The following KLF7 variants were observed in gnomAD, a reference collection of about 807,000 sequenced individuals.
KLF7 encodes Krueppel-like factor 7.
In KLF7, 2 loss-of-function variants were observed where a neutral mutation model predicts 27.3. The ratio of observed to expected loss-of-function variants is 0.07; its 90% CI spans 0.03 to 0.23. The LOEUF is 0.23. Ranked by LOEUF, KLF7 falls within the 10% of genes least tolerant of loss-of-function variation. The pLI, the probability that KLF7 is intolerant of heterozygous loss-of-function variation, is 1.00. For synonymous variants in KLF7, 165 were observed against 162.4 expected (o/e 1.02, Z -0.12); for missense variants, 221 against 394.1 (o/e 0.56, Z 3.72).
chr2:207,153,911 T>C (rs371258236), intron 1 of KLF7, among the ~76,000 whole-genome samples: 1 of 152,208 alleles, frequency 6.6e-6, no homozygotes, highest in Admixed American at 6.5e-5. Flanking sequence ...AGGGCTGGCA[T>C]CTCTGAAATA....
At chr2:207,110,451 A>T (rs902585160) in intron 2 of KLF7, among the ~76,000 whole-genome samples, 1 of 152,196 alleles carries the variant, frequency 6.6e-6, no homozygotes, top group Admixed American at 6.5e-5. Context: ...ACCCAGGGGG[A>T]GAATGACAAT....
intron 1 of KLF7, among the ~76,000 whole-genome samples, chr2:207,164,548 T>A (rs550809564): frequency 1.3e-5 from 2 of 151,704 alleles, no homozygotes; most frequent in South Asian, 4.2e-4. Context: ...GCCAGCACTT[T>A]CCACTGACCA....
intron 1 of KLF7, among the ~76,000 whole-genome samples, chr2:207,157,219 T>TTAAAA (rs1491268311): frequency 6.9e-5 from 6 of 87,312 alleles, no homozygotes; most frequent in African/African-American, 2.6e-4. Flanking sequence ...AACAGAAAAG[T>TTAAAA]AAAAAAAAAA....
intron 1 of KLF7, among the ~76,000 whole-genome samples, chr2:207,136,122 C>A (rs1208804693): frequency 2.6e-5 from 4 of 152,144 alleles, no homozygotes; most frequent in African/African-American, 9.7e-5. Flanking sequence ...TTTCCCACAC[C>A]ACCCCTTCCC....
chr2:207,162,423 A>G (rs13398922), intron 1 of KLF7, among the ~76,000 whole-genome samples: 9 of 152,246 alleles, frequency 5.9e-5, no homozygotes, highest in African/African-American at 2.2e-4. Flanking sequence ...ATTTACAGTT[A>G]TATGACAGGC....
chr2:207,081,405 TA>T, intron 3 of KLF7, 141 bp from the exon 4 acceptor site: 1 of 785,918 alleles, frequency 1.3e-6, no homozygotes, highest in South Asian at 1.6e-5. Context: ...GTTGGGAAGG[TA>T]AGTTTAAGGG....
chr2:207,142,421 T>C (rs1302312302), intron 1 of KLF7, among the ~76,000 whole-genome samples: 1 of 152,210 alleles, frequency 6.6e-6, no homozygotes, highest in East Asian at 1.9e-4. Context: ...TATAGGACAT[T>C]GTGCTGGAGA....
At chr2:207,155,100 G>A (rs1050970692) in intron 1 of KLF7, among the ~76,000 whole-genome samples, 3 of 152,154 alleles carry the variant, frequency 2.0e-5, no homozygotes, top group African/African-American at 4.8e-5. Flanking sequence ...ATACTTCCAA[G>A]TTGTATGATT....
At chr2:207,095,213 A>G (rs574581898) in intron 2 of KLF7, among the ~76,000 whole-genome samples, 50 of 151,706 alleles carry the variant, frequency 3.3e-4, no homozygotes, top group Non-Finnish European at 6.5e-4. Flanking sequence ...ACGTCCAGCT[A>G]ATTTTTTTGT....
intron 3 of KLF7, among the ~76,000 whole-genome samples, chr2:207,086,197 G>A (rs139211017): frequency 1.3e-5 from 2 of 152,270 alleles, no homozygotes; most frequent in Non-Finnish European, 2.9e-5. Context: ...AGGATGCCAT[G>A]TCCTGCCAAG....
intron 2 of KLF7, among the ~76,000 whole-genome samples, chr2:207,122,663 A>G (rs1473043029): frequency 6.6e-6 from 1 of 152,100 alleles, no homozygotes; most frequent in East Asian, 1.9e-4. Context: ...CCAGCCAGCA[A>G]TCTCTCCCCT....
chr2:207,133,161 C>T (rs75267806), intron 1 of KLF7, among the ~76,000 whole-genome samples: 488 of 152,316 alleles, frequency 3.2e-3, no homozygotes, highest in African/African-American at 0.011. Flanking sequence ...CCCTCATCTC[C>T]CAACCAGGCC....
rs901753021 is a variant in KLF7 at position 207,165,341 on chromosome 2, C to G, written c.102+126G>C. Reference sequence around the variant, plus strand: ...TTCAGAAAACATTTTCAACAACAGACAGCCAAAAAGGAAGAAAAAAAAGTC... The same window carrying G: ...TTCAGAAAACATTTTCAACAACAGAGAGCCAAAAAGGAAGAAAAAAAAGTC... On this transcript the variant is annotated intron_variant, in intron 1 of 3. Coordinates refer to ENST00000309446, the MANE Select transcript of KLF7 (RefSeq NM_003709.4). The G allele has an allele frequency of 1.2e-5, 16 of 1,340,172 alleles. No individual in the cohort carries two copies. In the African/African-American group the frequency reaches 1.9e-4, roughly 16 times the overall value. 83.0% of individuals were successfully genotyped at this position (1,340,172 alleles called of 1,614,324 possible).
intron 2 of KLF7, among the ~76,000 whole-genome samples, chr2:207,114,005 T>C (rs1312389195): frequency 6.6e-6 from 1 of 152,142 alleles, no homozygotes; most frequent in African/African-American, 2.4e-5. Context: ...AGCCAGCAAA[T>C]TGCCCTCTGC....
chr2:207,077,343 A>T lies in KLF7; in HGVS notation c.*3870T>A, dbSNP rs1250259353. On this transcript the variant is annotated 3_prime_UTR_variant, in exon 4 of 4. Transcript: ENST00000309446. ...AAGCTTATCCCAAACAAAAGTCCTT[A>T]TAAAATCTTCTCTGAAGCCAGAGAA... The T allele has an allele frequency of 1.3e-5, 2 of 152,216 alleles. No individual in the cohort carries two copies. The highest frequency in any genetic ancestry group is 4.8e-5 in the African/African-American group (2 of 41,464). The allele number at this position is 152,216 out of a possible 1,614,324, so 9.4% of individuals were successfully genotyped here.
chr2:207,162,606 C>T (rs1018945838), intron 1 of KLF7, among the ~76,000 whole-genome samples: 2 of 152,188 alleles, frequency 1.3e-5, no homozygotes, highest in African/African-American at 2.4e-5. Context: ...AATGTCAAAA[C>T]GAGGATCTCC....
At chr2:207,109,639 T>C (rs976981582) in intron 2 of KLF7, among the ~76,000 whole-genome samples, 7 of 152,210 alleles carry the variant, frequency 4.6e-5, no homozygotes, top group Non-Finnish European at 7.3e-5. Flanking sequence ...TGCACTAACA[T>C]AGAAGCAGCC....
chr2:207,100,379 C>T lies in KLF7; in HGVS notation c.734-11798G>A, dbSNP rs548446261. Among the ~76,000 whole-genome samples the T allele has an allele frequency of 8.3e-4, 126 of 152,236 alleles. 1 individual carries two copies. Among genetic ancestry groups the T allele is most frequent in the African/African-American group, 3.0e-3 (123 of 41,532 alleles). ...TTAGCTAAAGCAACCCAAATATGTA[C>T]CTTACTCAAATATAAAGTCTAAGAG... On this transcript the variant is annotated intron_variant, in intron 2 of 3. Transcript: ENST00000309446.
At chr2:207,171,226 G>A (rs2078782144), upstream of KLF7, among the ~76,000 whole-genome samples, 2 of 151,822 alleles carry the variant, frequency 1.3e-5, no homozygotes, top group Admixed American at 1.3e-4. Flanking sequence ...TAGAAGTAGA[G>A]CCCAAAGAGG....
Sources: gnomAD v4.1 joint callset for allele counts (sites outside exome capture counted in the v4.1 genomes callset) on GRCh38, gnomAD v4.1.1 for gene constraint, MANE v1.5 for transcripts, NCBI Gene and HGNC (gene_info 2026-07-23, HGNC 2026-07-21) for gene names.